The following SFMBT2 variants were observed in gnomAD, a reference collection of about 807,000 sequenced individuals.
SFMBT2 encodes scm-like with four MBT domains protein 2.
A neutral mutation model predicts 110.1 loss-of-function variants in SFMBT2; 38 were observed. That is an observed-to-expected ratio of 0.35 (90% CI 0.27 to 0.45). The LOEUF (loss-of-function observed/expected upper bound fraction) is 0.45. Among genes scored for constraint, SFMBT2 ranks in the 20% least tolerant of loss-of-function variants. The pLI is 1.00. For missense variants in SFMBT2, 1,011 were observed against 1,094.9 expected, an observed-to-expected ratio of 0.92 and a Z score of 1.08; for synonymous variants, 425 against 425.4, an observed-to-expected ratio of 1.00 and a Z score of 0.01.
chr10:7,176,819 C>T (rs114592201), intron 16 of SFMBT2, among the ~76,000 whole-genome samples: 2,897 of 152,000 alleles, frequency 0.019, 93 homozygotes, highest in African/African-American at 0.067. Flanking sequence ...ACCTGGAAAC[C>T]GAGTGAAGAC....
At position 7,206,390 on chromosome 10, in the gene SFMBT2, C is replaced by A. The variant is rs150626536; in HGVS notation, c.1331-462G>T. The stretch of plus-strand genomic sequence containing the variant: ...TGCTCCACCTAACACCAAGTAAAGG[C>A]AACCTTCAATGAAAGAAAGTCAAGC... On this transcript the variant is annotated intron_variant, in intron 11 of 20. Coordinates refer to ENST00000397167, the MANE Select transcript of SFMBT2 (RefSeq NM_001387889.1). 3.8e-4 allele frequency: 374 copies of A among 985,430 alleles called. 1 individual carries two copies. In the African/African-American group the frequency reaches 6.3e-3, roughly 17 times the overall value. 61.0% of individuals were successfully genotyped at this position (985,430 alleles called of 1,614,324 possible). A position where few individuals can be genotyped will look rare whatever the true frequency, so the allele number is the denominator to read the frequency against.
intron 16 of SFMBT2, among the ~76,000 whole-genome samples, chr10:7,183,444 G>A (rs1488651534): frequency 6.6e-6 from 1 of 152,228 alleles, no homozygotes; most frequent in Non-Finnish European, 1.5e-5. Context: ...CTTGCTGGTT[G>A]TCAGCGCAGG....
At position 7,301,713 on chromosome 10, in the gene SFMBT2, G is replaced by C. The variant is rs1004861268; in HGVS notation, c.437-15759C>G. Among the ~76,000 whole-genome samples the C allele has an allele frequency of 2.6e-5, 4 of 152,144 alleles. No homozygotes were observed. Among genetic ancestry groups the C allele is most frequent in the African/African-American group, 9.6e-5 (4 of 41,452 alleles). ...CGCAGAAACTGGTATTTCTTGACATGGGCTCCCCAGAAGTCACCTAGTATG... is the reference window on the plus strand; with the variant it reads ...CGCAGAAACTGGTATTTCTTGACATCGGCTCCCCAGAAGTCACCTAGTATG... On this transcript the variant is annotated intron_variant, in intron 4 of 20. Coordinates refer to ENST00000397167, the MANE Select transcript of SFMBT2 (RefSeq NM_001387889.1). This position sits in a 1 kb window ranked among gnomAD's most constrained non-coding sequence, Gnocchi z 4.2.
At chr10:7,383,928 A>T (rs1351435299) in intron 1 of SFMBT2, among the ~76,000 whole-genome samples, 2 of 152,000 alleles carry the variant, frequency 1.3e-5, no homozygotes, top group Non-Finnish European at 2.9e-5. Flanking sequence ...AATCACAGAA[A>T]GGCTGAGTGC....
chr10:7,388,214 G>A lies in SFMBT2; in HGVS notation c.-51-6265C>T, dbSNP rs538493784. Among the ~76,000 whole-genome samples, 15 of 151,282 alleles carry A rather than the reference G, an allele frequency of 9.9e-5. No homozygotes were observed. In the East Asian group the frequency reaches 2.7e-3, roughly 27 times the overall value. ...GGTAGAGATCTCATCCTAATTGGGA[G>A]AAAGAGCCAATGGAGTTTTTTTTTT... On this transcript the variant is annotated intron_variant, in intron 1 of 20. Coordinates refer to ENST00000397167, the MANE Select transcript of SFMBT2 (RefSeq NM_001387889.1).
intron 1 of SFMBT2, among the ~76,000 whole-genome samples, chr10:7,382,829 C>T (rs1199105616): frequency 6.6e-5 from 10 of 152,168 alleles, no homozygotes; most frequent in Non-Finnish European, 2.9e-5. Context: ...TGCTATTCCC[C>T]GCTTGTCTTC....
chr10:7,200,452 G>C lies in SFMBT2; in HGVS notation c.1520C>G (p.Pro507Arg), dbSNP rs1159032232. The change falls in exon 14 of 21, where the codon CCT (proline) becomes CGT (arginine). Residue 507 changes from proline to arginine, a missense_variant. By Grantham distance (103) the Pro-to-Arg change is moderately radical (BLOSUM62 -2). Transcript: ENST00000397167. ...GTGAGGGAATAAACAAAGGTCATGAGGTATTTTCTTAACAGGCACTGTGGG... is the reference window on the plus strand; with the variant it reads ...GTGAGGGAATAAACAAAGGTCATGACGTATTTTCTTAACAGGCACTGTGGG... ...LPPTVPVKKIPHDLCLFPHLD... is the reference protein window; with the variant it reads ...LPPTVPVKKIRHDLCLFPHLD... The C allele has an allele frequency of 4.4e-6, 7 of 1,601,448 alleles. No individual in the cohort carries two copies. The East Asian group carries it at 1.4e-4, about 31-fold the overall frequency.
chr10:7,335,123 G>A lies in SFMBT2; in HGVS notation c.436+32526C>T, dbSNP rs143845645. On this transcript the variant is annotated intron_variant, in intron 4 of 20. Coordinates refer to ENST00000397167, the MANE Select transcript of SFMBT2 (RefSeq NM_001387889.1). ...AATTCATAGAAAGAGAAAACAGAAC[G>A]GTGGTTGCCCAGAGAAGGGGGTAAG... 2.1e-3 allele frequency among the ~76,000 whole-genome samples: 326 copies of A among 152,236 alleles called. 1 individual carries two copies. Among genetic ancestry groups the A allele is most frequent in the African/African-American group, 7.0e-3 (292 of 41,538 alleles).
In SFMBT2 at chr10:7,284,020, C is replaced by T. The variant is rs756137556; in HGVS notation, c.656G>A (p.Arg219His). The change falls in exon 6 of 21, where the codon CGC becomes CAC. Residue 219 changes from arginine to histidine, a missense_variant. Arg to His is a conservative substitution (Grantham distance 29). Transcript: ENST00000397167. ...IENVGGRLRL[R>H]YVGLEDTESY... Reference sequence around the variant, plus strand: ...TTCAGTGTCCTCCAATCCCACATAGCGAAGGCGTAATCTTCCTCCAACATT... The same window carrying T: ...TTCAGTGTCCTCCAATCCCACATAGTGAAGGCGTAATCTTCCTCCAACATT... 6.2e-7 allele frequency: 1 copy of T among 1,613,936 alleles called. No homozygotes were observed. The highest frequency in any genetic ancestry group is 8.5e-7 in the Non-Finnish European group (1 of 1,179,818).
chr10:7,248,765 T>C (rs1446750402), intron 7 of SFMBT2, 116 bp from the exon 8 acceptor site: 21 of 778,536 alleles, frequency 2.7e-5, no homozygotes, highest in Non-Finnish European at 4.1e-5. Flanking sequence ...TGGAGACAAT[T>C]AACCTTCCCT....
chr10:7,176,081 G>C lies in SFMBT2; in HGVS notation c.1893C>G (p.Ala631=). ...ACAAATTTGGACAGCACTCTAGCTTGGCACAGACTCGGCGGCAGAAATTTG... is the reference window on the plus strand; with the variant it reads ...ACAAATTTGGACAGCACTCTAGCTTCGCACAGACTCGGCGGCAGAAATTTG... ...QVANFCRRVC[A]KLECCPNLFS... Residue 631 remains alanine, a synonymous_variant, in exon 17 of 21, where the codon GCC becomes GCG. Coordinates refer to ENST00000397167, the MANE Select transcript of SFMBT2 (RefSeq NM_001387889.1). 1 of 1,614,176 alleles carries C rather than the reference G, an allele frequency of 6.2e-7. No homozygotes were observed.
Position 7,322,697 on chromosome 10 carries a change from G to T in SFMBT2, c.437-36743C>A, listed in dbSNP as rs192765345. Among the ~76,000 whole-genome samples, 47 of 152,200 alleles carry T rather than the reference G, an allele frequency of 3.1e-4. No individual in the cohort carries two copies. In the East Asian group the frequency reaches 8.9e-3, roughly 29 times the overall value. On this transcript the variant is annotated intron_variant, in intron 4 of 20. Transcript: ENST00000397167. ...ATGTTGAAATGGAAGAGGGGACAGT[G>T]GGGAGGCGAATGGACAAAGGAAACC... is the stretch of plus-strand genomic sequence containing the variant.
intron 1 of SFMBT2, among the ~76,000 whole-genome samples, chr10:7,388,393 G>T (rs1845676633): frequency 6.6e-6 from 1 of 151,530 alleles, no homozygotes; most frequent in African/African-American, 2.4e-5. Context: ...ATTTGCTCTT[G>T]TTCACCCAGG....
intron 4 of SFMBT2, among the ~76,000 whole-genome samples, chr10:7,362,473 G>A (rs1844754037): frequency 6.6e-6 from 1 of 152,198 alleles, no homozygotes; most frequent in Non-Finnish European, 1.5e-5. Flanking sequence ...TATCATCTAA[G>A]ATAATAAAAC....
intron 2 of SFMBT2, among the ~76,000 whole-genome samples, chr10:7,371,108 G>A (rs184073938): frequency 2.8e-3 from 429 of 152,258 alleles, no homozygotes; most frequent in Non-Finnish European, 4.0e-3. Flanking sequence ...ACTATTTGTA[G>A]GGGGGTATTT....
intron 9 of SFMBT2, among the ~76,000 whole-genome samples, chr10:7,237,160 C>G (rs1014927906): frequency 2.0e-5 from 3 of 152,174 alleles, no homozygotes; most frequent in Non-Finnish European, 2.9e-5. Flanking sequence ...GTACTATCTA[C>G]AGAATTCCAG....
chr10:7,309,100 C>T (rs1842777326), intron 4 of SFMBT2, among the ~76,000 whole-genome samples: 1 of 152,182 alleles, frequency 6.6e-6, no homozygotes. Flanking sequence ...CCGAAAGAGG[C>T]TAACATTTGA....
intron 1 of SFMBT2, among the ~76,000 whole-genome samples, chr10:7,388,326 G>GGATGATGATGATGATGATGAT (rs113666945): frequency 6.8e-6 from 1 of 146,074 alleles, no homozygotes; most frequent in African/African-American, 2.6e-5. Flanking sequence ...AAACAAAGAA[G>GGATGATGATGATGATGATGAT]GATGATGATG....
chr10:7,303,065 C>T (rs1842597487), intron 4 of SFMBT2, among the ~76,000 whole-genome samples: 2 of 151,882 alleles, frequency 1.3e-5, no homozygotes, highest in Admixed American at 1.3e-4. Flanking sequence ...CTGAGGCTGA[C>T]TGTAAGTTCT....
Sources: gnomAD v4.1 joint callset for allele counts (sites outside exome capture counted in the v4.1 genomes callset) on GRCh38, gnomAD v4.1.1 for gene constraint, Gnocchi (gnomAD v3.1) non-coding constraint, MANE v1.5 for transcripts, NCBI Gene and HGNC (gene_info 2026-07-23, HGNC 2026-07-21) for gene names.